Variants in DISC1 observed in about 807,000 individuals in gnomAD.
DISC1 encodes the protein DISC1 scaffold protein.
Under a neutral mutation model 84.5 loss-of-function variants are expected in DISC1, and 57 were observed. The ratio of observed to expected loss-of-function variants is 0.67; its 90% confidence interval spans 0.55 to 0.84. The LOEUF (loss-of-function observed/expected upper bound fraction) is 0.84, where lower values mean the gene tolerates loss of function less well. Among genes scored for constraint, DISC1 ranks in the 40% least tolerant of loss-of-function variants. The pLI, the probability that DISC1 is intolerant of heterozygous loss-of-function variation, is 0.00. For missense variants in DISC1, 1,000 were observed against 1,057.8 expected (o/e 0.95, Z 0.76); for synonymous variants, 411 against 415.2 (o/e 0.99, Z 0.12).
At chr1:231,774,688 C>G (rs776070124) in intron 6 of DISC1, 10 of 455,900 alleles carry the variant, frequency 2.2e-5, no homozygotes, top group Non-Finnish European at 4.4e-5. Flanking sequence ...ACTAGAGAAA[C>G]CCGTCATCAA....
intron 8 of DISC1, among the ~76,000 whole-genome samples, chr1:231,803,175 G>A (rs1380678635): frequency 6.6e-6 from 1 of 152,160 alleles, no homozygotes; most frequent in East Asian, 1.9e-4. Context: ...CATATGGTCT[G>A]GCTGTTGAGT....
At chr1:231,924,552 G>A (rs150650297) in intron 9 of DISC1, among the ~76,000 whole-genome samples, 89 of 152,230 alleles carry the variant, frequency 5.8e-4, no homozygotes, top group Non-Finnish European at 9.0e-4. Flanking sequence ...GAAAAGATCC[G>A]GTGATACTGA....
rs142230615 is a variant in DISC1 at position 231,699,031 on chromosome 1, T to C, written c.1048-2924T>C. Among the ~76,000 whole-genome samples the C allele has an allele frequency of 3.6e-4, 55 of 152,286 alleles. 1 individual carries two copies. In the East Asian group the frequency reaches 9.8e-3, roughly 27 times the overall value. ...AGGCTCAACACAACAAAATTGTGTTTTTTGCGTATGCTTCATGTTCCACAG... is the reference window on the plus strand; with the variant it reads ...AGGCTCAACACAACAAAATTGTGTTCTTTGCGTATGCTTCATGTTCCACAG... On this transcript the variant is annotated intron_variant, in intron 2 of 12. Coordinates refer to ENST00000439617, the MANE Select transcript of DISC1 (RefSeq NM_018662.3).
At chr1:231,839,040 T>C (rs1400761859) in intron 9 of DISC1, among the ~76,000 whole-genome samples, 1 of 152,008 alleles carries the variant, frequency 6.6e-6, no homozygotes, top group Non-Finnish European at 1.5e-5. Flanking sequence ...AAACAATAGG[T>C]ATCAAGACAG....
At chr1:231,666,023 A>T (rs2061986568) in intron 1 of DISC1, among the ~76,000 whole-genome samples, 1 of 152,116 alleles carries the variant, frequency 6.6e-6, no homozygotes. Flanking sequence ...TTTCTCTTAA[A>T]AGGTGGTGCT....
intron 3 of DISC1, among the ~76,000 whole-genome samples, chr1:231,728,506 G>T (rs1558435990): frequency 6.6e-6 from 1 of 152,160 alleles, no homozygotes; most frequent in Non-Finnish European, 1.5e-5. Context: ...GAGTCATTGA[G>T]CTGCCAACTA....
At chr1:231,860,668 G>A (rs1163968219) in intron 9 of DISC1, among the ~76,000 whole-genome samples, 2 of 152,068 alleles carry the variant, frequency 1.3e-5, no homozygotes. Context: ...ATTTTTGCCG[G>A]CTGCAGAGTC....
At chr1:231,813,612 C>A (rs2125719103) in intron 8 of DISC1, among the ~76,000 whole-genome samples, 1 of 152,334 alleles carries the variant, frequency 6.6e-6, no homozygotes, top group South Asian at 2.1e-4. Context: ...GAAGTGCAGT[C>A]TGCTCTCCTG....
At chr1:231,644,018 C>T (rs1309422763) in intron 1 of DISC1, among the ~76,000 whole-genome samples, 1 of 152,154 alleles carries the variant, frequency 6.6e-6, no homozygotes, top group Non-Finnish European at 1.5e-5. Flanking sequence ...ACCATATGTG[C>T]TAGCTGCAAT....
At chr1:231,777,693 T>C (rs533472761) in intron 6 of DISC1, among the ~76,000 whole-genome samples, 1 of 152,236 alleles carries the variant, frequency 6.6e-6, no homozygotes, top group Non-Finnish European at 1.5e-5. Context: ...AGGACCTCCC[T>C]GCAGGTGTGC....
chr1:231,864,032 T>A (rs967632609), intron 9 of DISC1, among the ~76,000 whole-genome samples: 67 of 152,246 alleles, frequency 4.4e-4, no homozygotes, highest in African/African-American at 1.6e-3. Context: ...AGACTTTTTT[T>A]ATGAAGATCT....
intron 10 of DISC1, among the ~76,000 whole-genome samples, chr1:232,003,271 A>G (rs887946048): frequency 1.3e-5 from 2 of 152,188 alleles, no homozygotes; most frequent in Admixed American, 6.5e-5. Context: ...AACTGAAAAC[A>G]TAGAATGGTA....
intron 3 of DISC1, among the ~76,000 whole-genome samples, chr1:231,711,526 AT>A (rs776271226): frequency 4.1e-3 from 578 of 141,652 alleles, no homozygotes; most frequent in Middle Eastern, 0.011. Context: ...TGCCTGGCTA[AT>A]TTTTTTTTTT....
chr1:231,905,104 C>G (rs1370599306), intron 9 of DISC1, among the ~76,000 whole-genome samples: 2 of 152,098 alleles, frequency 1.3e-5, no homozygotes, highest in Non-Finnish European at 2.9e-5. Context: ...ACAGAGAGCA[C>G]CTTAATCAAA....
At chr1:231,810,494 G>C (rs146469933) in intron 8 of DISC1, among the ~76,000 whole-genome samples, 96 of 152,320 alleles carry the variant, frequency 6.3e-4, no homozygotes, top group Non-Finnish European at 1.1e-3. Flanking sequence ...GGTGTGAAAA[G>C]AAATGAAGAC....
intron 3 of DISC1, among the ~76,000 whole-genome samples, chr1:231,717,677 A>G (rs2068949629): frequency 6.6e-6 from 1 of 152,142 alleles, no homozygotes; most frequent in African/African-American, 2.4e-5. Context: ...TCACTGCCAA[A>G]AGTCTCCAGG....
intron 9 of DISC1, among the ~76,000 whole-genome samples, chr1:231,903,285 T>C (rs2088337483): frequency 6.6e-6 from 1 of 152,116 alleles, no homozygotes; most frequent in South Asian, 2.1e-4. Flanking sequence ...TAATCCAGTA[T>C]GACCTCCTCT....
At chr1:231,745,187 C>T (rs548399750) in intron 3 of DISC1, among the ~76,000 whole-genome samples, 21 of 151,940 alleles carry the variant, frequency 1.4e-4, no homozygotes, top group South Asian at 8.3e-4. Context: ...GTGATCAGAT[C>T]GGGGTAATTA....
At chr1:231,662,342 T>G (rs577777665) in intron 1 of DISC1, among the ~76,000 whole-genome samples, 1 of 152,312 alleles carries the variant, frequency 6.6e-6, no homozygotes, top group East Asian at 1.9e-4. Context: ...GCCAGCAGGC[T>G]GGAATGGTTG....
Sources: allele counts gnomAD v4.1 joint callset (sites outside exome capture counted in the v4.1 genomes callset), GRCh38; gene constraint gnomAD v4.1.1; transcripts MANE v1.5; gene names NCBI Gene and HGNC (gene_info 2026-07-23, HGNC 2026-07-21).